LRP1B: variants seen among roughly 807,000 people sequenced by gnomAD.
The protein encoded by LRP1B is low-density lipoprotein receptor-related protein 1B.
In LRP1B, 217 loss-of-function variants were observed where a neutral mutation model predicts 556.6. That is an observed-to-expected ratio of 0.39 (90% confidence interval 0.35 to 0.44). The LOEUF (loss-of-function observed/expected upper bound fraction) is 0.44, where lower values mean the gene tolerates loss of function less well. LRP1B is among the 20% of genes least tolerant of loss of function. LRP1B has a pLI of 1.00. For missense variants in LRP1B, 5,053 were observed against 5,620.8 expected, an observed-to-expected ratio of 0.90 and a Z score of 3.23; for synonymous variants, 2,047 against 1,865.8, an observed-to-expected ratio of 1.10 and a Z score of -2.50.
intron 7 of LRP1B, among the ~76,000 whole-genome samples, chr2:141,169,097 C>T (rs879720300): frequency 4.6e-5 from 7 of 151,660 alleles, no homozygotes; most frequent in Non-Finnish European, 8.8e-5. Flanking sequence ...ACCAGCCCAA[C>T]CGACATGGTG....
At chr2:141,608,734 A>G (rs1479673849) in intron 2 of LRP1B, among the ~76,000 whole-genome samples, 2 of 152,236 alleles carry the variant, frequency 1.3e-5, no homozygotes, top group African/African-American at 4.8e-5. Flanking sequence ...GCCCATTAAC[A>G]ACAAATAGTA....
chr2:140,990,896 G>A (rs1291851369), intron 16 of LRP1B, among the ~76,000 whole-genome samples: 1 of 152,016 alleles, frequency 6.6e-6, no homozygotes, highest in Admixed American at 6.6e-5. Context: ...CTGAGAATTT[G>A]AAAAATTGTT....
At chr2:142,000,875 A>C (rs1432915779) in intron 1 of LRP1B, among the ~76,000 whole-genome samples, 1 of 152,088 alleles carries the variant, frequency 6.6e-6, no homozygotes, top group Non-Finnish European at 1.5e-5. Flanking sequence ...TTAGCTCCTG[A>C]TATGGTTTGG....
chr2:141,611,849 G>A (rs1054021494), intron 2 of LRP1B, among the ~76,000 whole-genome samples: 1 of 152,122 alleles, frequency 6.6e-6, no homozygotes, highest in Middle Eastern at 3.2e-3. Context: ...TCTGGTGTAT[G>A]GTCTCATTTT....
At chr2:140,479,958 G>A (rs76319934) in intron 59 of LRP1B, among the ~76,000 whole-genome samples, 7,265 of 152,190 alleles carry the variant, frequency 0.048, 214 homozygotes, top group African/African-American at 0.052. Context: ...TTTGTGCATA[G>A]GTGCAGGCAC....
At chr2:140,583,153 C>A (rs1681838793) in intron 43 of LRP1B, among the ~76,000 whole-genome samples, 1 of 139,990 alleles carries the variant, frequency 7.1e-6, no homozygotes, top group African/African-American at 2.7e-5. Flanking sequence ...TTTCTATTGA[C>A]AGTTTCTCCT....
At chr2:140,670,117 G>T (rs1000058338) in intron 41 of LRP1B, among the ~76,000 whole-genome samples, 9 of 152,092 alleles carry the variant, frequency 5.9e-5, no homozygotes, top group Non-Finnish European at 1.2e-4. Context: ...CGTGACACTG[G>T]TAGATGTTTA....
At chr2:141,327,163 C>G (rs77277117) in intron 3 of LRP1B, among the ~76,000 whole-genome samples, 2,249 of 152,158 alleles carry the variant, frequency 0.015, 39 homozygotes, top group South Asian at 0.026. Context: ...AAGCAGGCAA[C>G]ACAGGGAAGA....
At chr2:141,112,000 C>T (rs917017017) in intron 7 of LRP1B, among the ~76,000 whole-genome samples, 2 of 151,248 alleles carry the variant, frequency 1.3e-5, no homozygotes, top group African/African-American at 2.4e-5. Flanking sequence ...GAGACAAGAA[C>T]GAGCCACTGC....
chr2:141,158,773 C>T (rs909568031), intron 7 of LRP1B, among the ~76,000 whole-genome samples: 2 of 152,094 alleles, frequency 1.3e-5, no homozygotes, highest in Admixed American at 6.6e-5. Context: ...TCTCGGAGAA[C>T]ATTACAAGTA....
intron 2 of LRP1B, among the ~76,000 whole-genome samples, chr2:141,690,376 G>A (rs1365857160): frequency 9.8e-6 from 1 of 102,196 alleles, no homozygotes; most frequent in Non-Finnish European, 2.0e-5. Context: ...ACCAAATCCA[G>A]AAAAGGGATT....
At chr2:141,390,985 T>TA (rs1421053778) in intron 3 of LRP1B, among the ~76,000 whole-genome samples, 1 of 152,174 alleles carries the variant, frequency 6.6e-6, no homozygotes, top group Non-Finnish European at 1.5e-5. Context: ...CCTTCACACT[T>TA]ACTTCTCTGT....
Position 140,553,217 on chromosome 2 carries a change from G to A in LRP1B, c.7195-11246C>T, listed in dbSNP as rs187825890. ...GATTTCAAAGAAATGTGGTAAATTG[G>A]TAATGTGGTAAATCAGTAACTTAAA... On this transcript the variant is annotated intron_variant, in intron 43 of 90. Coordinates refer to ENST00000389484, the MANE Select transcript of LRP1B (RefSeq NM_018557.3). Among the ~76,000 whole-genome samples the A allele has an allele frequency of 1.7e-3, 262 of 151,968 alleles. 3 individuals are homozygous for A. Among genetic ancestry groups the A allele is most frequent in the Admixed American group, 3.8e-3 (58 of 15,230 alleles).
chr2:141,297,171 G>A (rs1273617103), intron 3 of LRP1B, among the ~76,000 whole-genome samples: 1 of 152,144 alleles, frequency 6.6e-6, no homozygotes, highest in African/African-American at 2.4e-5. Flanking sequence ...CAACATATGA[G>A]TGCATGTGTC....
At chr2:140,598,147 G>A (rs1000782710) in intron 43 of LRP1B, among the ~76,000 whole-genome samples, 1 of 152,184 alleles carries the variant, frequency 6.6e-6, no homozygotes, top group African/African-American at 2.4e-5. Context: ...TTTGAACCCA[G>A]AGAAAAGAGA....
intron 1 of LRP1B, among the ~76,000 whole-genome samples, chr2:141,956,654 G>A (rs1701263388): frequency 6.6e-6 from 1 of 151,840 alleles, no homozygotes; most frequent in Non-Finnish European, 1.5e-5. Flanking sequence ...TATGTATATG[G>A]CTTTTCCTCC....
intron 7 of LRP1B, among the ~76,000 whole-genome samples, chr2:141,093,050 GT>G (rs34579717): frequency 1.8e-4 from 26 of 147,870 alleles, no homozygotes; most frequent in Admixed American, 3.4e-4. Context: ...CTTTTTTGTT[GT>G]TTTTTTTTTG....
At chr2:141,578,790 C>G (rs1041349244) in intron 2 of LRP1B, among the ~76,000 whole-genome samples, 1 of 152,110 alleles carries the variant, frequency 6.6e-6, no homozygotes, top group Non-Finnish European at 1.5e-5. Context: ...GCCCTAGAGA[C>G]AGGAAGGAAC....
intron 7 of LRP1B, among the ~76,000 whole-genome samples, chr2:141,178,781 G>A (rs966802763): frequency 2.0e-5 from 3 of 151,924 alleles, no homozygotes; most frequent in African/African-American, 7.2e-5. Context: ...TGCTAGTTGG[G>A]AGCAGAGTAT....
Sources: gnomAD v4.1 joint callset for allele counts (sites outside exome capture counted in the v4.1 genomes callset) on GRCh38, gnomAD v4.1.1 for gene constraint, MANE v1.5 for transcripts, NCBI Gene and HGNC (gene_info 2026-07-23, HGNC 2026-07-21) for gene names.